The following TIAM2 variants were observed in gnomAD, a reference collection of about 807,000 sequenced individuals.
TIAM2 encodes the protein TIAM Rac1 associated GEF 2.
A neutral mutation model predicts 152.9 loss-of-function variants in TIAM2; 80 were observed. The ratio of observed to expected loss-of-function variants is 0.52; its 90% CI spans 0.44 to 0.63. TIAM2 has a LOEUF of 0.63. Ranked by LOEUF, TIAM2 falls within the 30% of genes least tolerant of loss-of-function variation. TIAM2 has a pLI of 0.00. For synonymous variants in TIAM2, 804 were observed against 838.0 expected, an observed-to-expected ratio of 0.96 and a Z score of 0.70; for missense variants, 1,965 against 2,120.1, an observed-to-expected ratio of 0.93 and a Z score of 1.44.
intron 9 of TIAM2, 74 bp from the exon 10 acceptor site, chr6:155,176,742 A>T: frequency 2.0e-6 from 3 of 1,505,212 alleles, no homozygotes; most frequent in Non-Finnish European, 2.7e-6. Flanking sequence ...GTAAATGAAC[A>T]GGACATTTGG....
chr6:155,038,580 C>A (rs563682173), intron 1 of TIAM2, among the ~76,000 whole-genome samples: 1 of 152,004 alleles, frequency 6.6e-6, no homozygotes, highest in Admixed American at 6.6e-5. Context: ...GAAGCTGGTA[C>A]GAAAAAGCAC....
At chr6:155,135,004 C>G (rs1779526953) in intron 4 of TIAM2, among the ~76,000 whole-genome samples, 1 of 151,870 alleles carries the variant, frequency 6.6e-6, no homozygotes, top group African/African-American at 2.4e-5. Context: ...CGAGCCCAGC[C>G]AGGAGTTTTT....
At position 155,129,548 on chromosome 6, in the gene TIAM2, G is replaced by A. The variant is rs779095315; in HGVS notation, c.325G>A (p.Ala109Thr). 34 of 1,614,040 alleles carry A rather than the reference G, an allele frequency of 2.1e-5. No individual in the cohort carries two copies. The highest frequency in any genetic ancestry group is 2.6e-5 in the Non-Finnish European group (31 of 1,180,036). ...GAAGGATTTCCAGGGCATCAGTGCT[G>A]CTTTCTCAACTGAGAATGGCTTCCA... ...PGKDFQGISA[A>T]FSTENGFHSV... Residue 109 changes from alanine to threonine, a missense_variant, in exon 4 of 27, where the codon GCT (alanine) becomes ACT (threonine). By Grantham distance (58) the Ala-to-Thr change is moderately conservative. This residue lies in a region of TIAM2 where 1,025 missense variants were observed against 1,119.4 expected (regional missense o/e 0.92). Transcript: ENST00000682666. This position sits in a 1 kb window ranked among gnomAD's most constrained non-coding sequence, Gnocchi z 4.8.
At chr6:155,045,808 C>G (rs896153415) in intron 1 of TIAM2, among the ~76,000 whole-genome samples, 8 of 143,736 alleles carry the variant, frequency 5.6e-5, no homozygotes, top group Non-Finnish European at 9.0e-5. Context: ...CCAACTTTCT[C>G]ACTCATATTT....
intron 2 of TIAM2, among the ~76,000 whole-genome samples, chr6:155,107,922 T>C (rs1778738785): frequency 6.6e-6 from 1 of 152,124 alleles, no homozygotes; most frequent in African/African-American, 2.4e-5. Flanking sequence ...TTCCTTGGCT[T>C]TACATTAATT....
chr6:155,204,037 G>A (rs1418499260), intron 14 of TIAM2, among the ~76,000 whole-genome samples: 1 of 152,126 alleles, frequency 6.6e-6, no homozygotes, highest in Non-Finnish European at 1.5e-5. Context: ...GGATGGTGAC[G>A]TTTGGTAGTT....
chr6:155,220,239 G>A (rs1444620558), intron 15 of TIAM2, among the ~76,000 whole-genome samples: 1 of 152,238 alleles, frequency 6.6e-6, no homozygotes, highest in Admixed American at 6.5e-5. Context: ...TGCCAGGCAG[G>A]CTTTTAAAAC....
At chr6:155,051,021 G>GT (rs1483506277) in intron 1 of TIAM2, among the ~76,000 whole-genome samples, 1 of 152,138 alleles carries the variant, frequency 6.6e-6, no homozygotes, top group African/African-American at 2.4e-5. Context: ...TAATTAAAGT[G>GT]TTTGACACAG....
At chr6:155,045,449 A>C in intron 1 of TIAM2, among the ~76,000 whole-genome samples, 1 of 111,142 alleles carries the variant, frequency 9.0e-6, no homozygotes, top group Admixed American at 8.9e-5. Context: ...TAAAATACTT[A>C]TTAGAATTTT....
chr6:155,225,614 G>T (rs985804661), intron 15 of TIAM2, among the ~76,000 whole-genome samples: 2 of 152,260 alleles, frequency 1.3e-5, no homozygotes, highest in Non-Finnish European at 2.9e-5. Flanking sequence ...GGGATACCTG[G>T]CTTTGGTTCC....
At chr6:155,188,183 T>C (rs1198113358) in intron 14 of TIAM2, among the ~76,000 whole-genome samples, 1 of 152,218 alleles carries the variant, frequency 6.6e-6, no homozygotes, top group Non-Finnish European at 1.5e-5. Flanking sequence ...TCTTTCCTCG[T>C]GCGCTCAGAA....
chr6:155,093,336 C>T (rs909318328), intron 2 of TIAM2, among the ~76,000 whole-genome samples: 4 of 152,118 alleles, frequency 2.6e-5, no homozygotes, highest in African/African-American at 7.2e-5. Context: ...TTCTCCAGAC[C>T]GTAGATGGAA....
At position 155,256,583 on chromosome 6, in the gene TIAM2, TGAGCAGCGGCACCCA is replaced by T. The variant is rs771678194; in HGVS notation, c.4579_4593del (p.Thr1527_Gly1531del). 54 of 1,614,008 alleles carry T rather than the reference TGAGCAGCGGCACCCA, an allele frequency of 3.3e-5. No individual in the cohort carries two copies. Among genetic ancestry groups the T allele is most frequent in the East Asian group, 1.8e-4 (8 of 44,886 alleles). On this transcript the variant is annotated inframe_deletion, in exon 27 of 27. Transcript: ENST00000682666. Reference sequence around the variant, plus strand: ...TTGCTGGACTCTGACGAGGGCAGCTTGAGCAGCGGCACCCAGAGCAGCGGCTGCCCCACGGCTGAG... The same window carrying T: ...TTGCTGGACTCTGACGAGGGCAGCTTGAGCAGCGGCTGCCCCACGGCTGAG...
At chr6:155,183,660 A>T (rs922685747) in intron 14 of TIAM2, among the ~76,000 whole-genome samples, 160 bp downstream of exon 14, 1 of 152,206 alleles carries the variant, frequency 6.6e-6, no homozygotes, top group Non-Finnish European at 1.5e-5. Flanking sequence ...ATTTTATCAA[A>T]ATTTCATGCG....
At chr6:155,234,161 T>C (rs968704410) in intron 15 of TIAM2, among the ~76,000 whole-genome samples, 3 of 152,168 alleles carry the variant, frequency 2.0e-5, no homozygotes, top group Non-Finnish European at 4.4e-5. Context: ...TTTGTAGCAT[T>C]GATTGCTACA....
chr6:155,047,700 A>AGAG lies in TIAM2; in HGVS notation c.-208-42588_-208-42586dup, dbSNP rs1562300182. On this transcript the variant is annotated intron_variant, in intron 1 of 26. Transcript: ENST00000682666. ...AGAGAGAGAGAGAGGAGAGAGAGAG[A>AGAG]GAGAGCGAGAGAGAGAGAGAGAGAG... Among the ~76,000 whole-genome samples, 204 of 25,764 alleles carry AGAG rather than the reference A, an allele frequency of 7.9e-3. 13 individuals carry two copies. Among genetic ancestry groups the AGAG allele is most frequent in the African/African-American group, 0.032 (187 of 5,838 alleles). The allele number at this position is 25,764 out of a possible 152,430, so 16.9% of individuals were successfully genotyped here. A position where few individuals can be genotyped will look rare whatever the true frequency, so the allele number is the denominator to read the frequency against.
At chr6:155,207,073 G>A (rs779467337) in intron 14 of TIAM2, among the ~76,000 whole-genome samples, 5 of 152,132 alleles carry the variant, frequency 3.3e-5, no homozygotes, top group Admixed American at 6.5e-5. Flanking sequence ...CCAGATTTTC[G>A]CCTGGGAGGG....
chr6:155,045,531 A>T (rs1777155978), intron 1 of TIAM2, among the ~76,000 whole-genome samples: 2 of 152,036 alleles, frequency 1.3e-5, no homozygotes, highest in Admixed American at 1.3e-4. Flanking sequence ...TTTCTTTCGA[A>T]CATGAAAGAA....
intron 2 of TIAM2, among the ~76,000 whole-genome samples, chr6:155,095,206 T>C (rs1271498362): frequency 6.6e-6 from 1 of 152,200 alleles, no homozygotes; most frequent in East Asian, 1.9e-4. Context: ...TGTAACCTCG[T>C]TGACTCTGAG....
Sources: gnomAD v4.1 joint callset for allele counts (sites outside exome capture counted in the v4.1 genomes callset) on GRCh38, gnomAD v4.1.1 for gene constraint, gnomAD v4.1.1 regional missense constraint, Gnocchi (gnomAD v3.1) non-coding constraint, MANE v1.5 for transcripts, NCBI Gene and HGNC (gene_info 2026-07-23, HGNC 2026-07-21) for gene names.